Variants in HSP90AA1 observed in about 807,000 individuals in gnomAD.
HSP90AA1 encodes heat shock protein HSP 90-alpha.
A neutral mutation model predicts 73.3 loss-of-function variants in HSP90AA1; 18 were observed. The ratio of observed to expected loss-of-function variants is 0.25; its 90% CI spans 0.17 to 0.36. The LOEUF (loss-of-function observed/expected upper bound fraction) is 0.36, where lower values mean the gene tolerates loss of function less well. Among genes scored for constraint, HSP90AA1 ranks in the 10% least tolerant of loss-of-function variants. HSP90AA1 has a pLI of 1.00. For synonymous variants in HSP90AA1, 477 were observed against 296.9 expected (o/e 1.61, Z -6.24); for missense variants, 704 against 874.2 (o/e 0.81, Z 2.45).
At chr14:102,101,877 G>C (rs779864623) in exon 2 of HSP90AA1, 4 of 1,612,350 alleles carry the variant, frequency 2.5e-6, no homozygotes, top group Non-Finnish European at 3.4e-6. Context: ...CCACTTACCA[G>C]TAGCCTAAGC....
intron 1 of HSP90AA1, among the ~76,000 whole-genome samples, chr14:102,126,196 T>C (rs1814060252): frequency 6.6e-6 from 1 of 152,092 alleles, no homozygotes; most frequent in Non-Finnish European, 1.5e-5. Context: ...CGGCCTTCTA[T>C]TCCCTCTGAT....
Position 102,083,631 on chromosome 14 carries a change from T to A in HSP90AA1, c.1401A>T (p.Thr467=). Residue 467 remains threonine, a synonymous_variant, in exon 8 of 11, where the codon ACA becomes ACT. Coordinates refer to ENST00000216281, the MANE Select transcript of HSP90AA1 (RefSeq NM_005348.4). ...AAACCATCTCATCACCAGAGGCAGA[T>A]GTGTAGTACCTTAACAGCTCTGAAA... ...KKLSELLRYY[T]SASGDEMVSL... 1 of 1,613,304 alleles carries A rather than the reference T, an allele frequency of 6.2e-7. No homozygotes were observed. The highest frequency in any genetic ancestry group is 1.1e-5 in the South Asian group (1 of 91,070).
At chr14:102,119,878 C>T (rs2049754473) in intron 1 of HSP90AA1, among the ~76,000 whole-genome samples, 1 of 152,078 alleles carries the variant, frequency 6.6e-6, no homozygotes, top group South Asian at 2.1e-4. Context: ...CTATATGATC[C>T]ATAAAGTTGT....
rs780168650 is a variant in HSP90AA1, at chr14:102,080,833, T to TG, written c.*878dup. On this transcript the variant is annotated 3_prime_UTR_variant, in exon 11 of 11. Coordinates refer to ENST00000216281, the MANE Select transcript of HSP90AA1 (RefSeq NM_005348.4). ...ACACTAAGAGAACACATGTAACTCA[T>TG]GGACGCAGGGGATGCATGTTGTCTG... 1.3e-5 allele frequency: 3 copies of TG among 227,202 alleles called. No individual in the cohort carries two copies. Among genetic ancestry groups the TG allele is most frequent in the Non-Finnish European group, 8.7e-6 (1 of 114,364 alleles). 14.1% of individuals were successfully genotyped at this position (227,202 alleles called of 1,614,324 possible).
chr14:102,082,040 G>C (rs1195531739), intron 10 of HSP90AA1, 71 bp downstream of exon 10: 2 of 1,112,558 alleles, frequency 1.8e-6, no homozygotes, highest in Non-Finnish European at 2.7e-6. Flanking sequence ...TTGGATAACT[G>C]AAAGTTCACC....
At chr14:102,090,983 C>T (rs749018132), upstream of HSP90AA1, among the ~76,000 whole-genome samples, 18 of 152,198 alleles carry the variant, frequency 1.2e-4, no homozygotes, top group Admixed American at 5.2e-4. Flanking sequence ...AGTCACTTAC[C>T]CTTTCTATGC....
At chr14:102,129,288 A>G (rs1190596) in intron 1 of HSP90AA1, among the ~76,000 whole-genome samples, 118,561 of 151,884 alleles carry the variant, frequency 0.78, 46,894 homozygotes, top group East Asian at 0.97. Flanking sequence ...TACTACAGGC[A>G]TGTGCCACCA....
chr14:102,085,816 A>C lies in HSP90AA1; in HGVS notation c.471T>G (p.Asp157Glu). 3 of 1,613,970 alleles carry C rather than the reference A, an allele frequency of 1.9e-6. No homozygotes were observed. The highest frequency in any genetic ancestry group is 2.5e-6 in the Non-Finnish European group (3 of 1,179,860). The change falls in exon 3 of 11, where the codon GAT (aspartate) becomes GAG (glutamate). Residue 157 changes from aspartate to glutamate, a missense_variant. Asp to Glu is a conservative substitution (Grantham distance 45, BLOSUM62 2). Transcript: ENST00000216281. ...CTGAGGACTCCCAAGCGTACTGCTCATCATCGTTATGTTTGGTGATCACAG... is the reference window on the plus strand; with the variant it reads ...CTGAGGACTCCCAAGCGTACTGCTCCTCATCGTTATGTTTGGTGATCACAG... ...KVTVITKHND[D>E]EQYAWESSAG...
chr14:102,082,184 C>G lies in HSP90AA1; in HGVS notation c.2016G>C (p.Leu672=). 6.2e-7 allele frequency: 1 copy of G among 1,613,880 alleles called. No homozygotes were observed. The highest frequency in any genetic ancestry group is 8.5e-7 in the Non-Finnish European group (1 of 1,179,800). ...GATCTTCCAGACTGAAGCCAGAAGA[C>G]AGGAGCGCAGTTTCATAAAGCAAGA... is the stretch of plus-strand genomic sequence containing the variant. ...LVILLYETAL[L]SSGFSLEDPQ... The change falls in exon 10 of 11, where the codon CTG becomes CTC. Residue 672 remains leucine (L), a synonymous_variant. Coordinates refer to ENST00000216281, the MANE Select transcript of HSP90AA1 (RefSeq NM_005348.4).
intron 2 of HSP90AA1, among the ~76,000 whole-genome samples, chr14:102,095,899 C>T (rs75103660): frequency 0.023 from 3,495 of 152,318 alleles, 79 homozygotes; most frequent in South Asian, 0.1. Context: ...CTGCCCACTT[C>T]CCAGTGCAGA....
In HSP90AA1 at chr14:102,081,422, A is replaced by G. The variant is rs1293637739; in HGVS notation, c.*290T>C. The G allele has an allele frequency of 2.4e-6, 1 of 420,340 alleles. No homozygotes were observed. Among genetic ancestry groups the G allele is most frequent in the Non-Finnish European group, 4.3e-6 (1 of 230,930 alleles). 26.0% of individuals were successfully genotyped at this position (420,340 alleles called of 1,614,324 possible). ...CTTAGGCATCCGGCTTGACAGCTAAACACTTTAGACCACAAAGTTAACATC... is the reference window on the plus strand; with the variant it reads ...CTTAGGCATCCGGCTTGACAGCTAAGCACTTTAGACCACAAAGTTAACATC... On this transcript the variant is annotated 3_prime_UTR_variant, in exon 11 of 11. Coordinates refer to ENST00000216281, the MANE Select transcript of HSP90AA1 (RefSeq NM_005348.4).
In HSP90AA1 at chr14:102,080,837, C is replaced by G; in HGVS notation, c.*875G>C. The G allele has an allele frequency of 4.4e-6, 1 of 227,440 alleles. No individual in the cohort carries two copies. Among genetic ancestry groups the G allele is most frequent in the Non-Finnish European group, 8.7e-6 (1 of 114,406 alleles). The allele number at this position is 227,440 out of a possible 1,614,324, so 14.1% of individuals were successfully genotyped here. On this transcript the variant is annotated 3_prime_UTR_variant, in exon 11 of 11. Coordinates refer to ENST00000216281, the MANE Select transcript of HSP90AA1 (RefSeq NM_005348.4). Reference sequence around the variant, plus strand: ...TAAGAGAACACATGTAACTCATGGACGCAGGGGATGCATGTTGTCTGCATT... The same window carrying G: ...TAAGAGAACACATGTAACTCATGGAGGCAGGGGATGCATGTTGTCTGCATT...
rs770329997 is a variant in HSP90AA1, at chr14:102,086,104, A to G, written c.183T>C (p.Tyr61=). 3.1e-6 allele frequency: 5 copies of G among 1,613,986 alleles called. No individual in the cohort carries two copies. Among genetic ancestry groups the G allele is most frequent in the African/African-American group, 2.7e-5 (2 of 74,916 alleles). ...ATTTACTGGGATCTGTCAAGCTTTC[A>G]TACCGGATTTTGTCCAATGCCTGTT... is the stretch of plus-strand genomic sequence containing the variant. ...NSSDALDKIR[Y]ESLTDPSKLD... is the part of the protein sequence containing the mutation. The change falls in exon 3 of 11, where the codon TAT becomes TAC. Residue 61 remains tyrosine (Y), a synonymous_variant. Transcript: ENST00000216281.
upstream of HSP90AA1, among the ~76,000 whole-genome samples, chr14:102,091,722 G>T (rs953989015): frequency 2.6e-5 from 4 of 151,992 alleles, no homozygotes; most frequent in Non-Finnish European, 4.4e-5. Flanking sequence ...AGCCTCCTGG[G>T]CGCAAGTGAT....
At chr14:102,100,512 G>A (rs2049479581) in intron 2 of HSP90AA1, among the ~76,000 whole-genome samples, 2 of 141,294 alleles carry the variant, frequency 1.4e-5, no homozygotes, top group South Asian at 5.0e-4. Context: ...CACAACCTCC[G>A]CCTCCCGGGT....
chr14:102,081,240 T>C lies in HSP90AA1; in HGVS notation c.*472A>G, dbSNP rs568538336. 4.9e-5 allele frequency: 12 copies of C among 245,062 alleles called. No homozygotes were observed. Among genetic ancestry groups the C allele is most frequent in the Non-Finnish European group, 9.7e-5 (12 of 124,312 alleles). The allele number at this position is 245,062 out of a possible 1,614,324, so 15.2% of individuals were successfully genotyped here. On this transcript the variant is annotated 3_prime_UTR_variant, in exon 11 of 11. Coordinates refer to ENST00000216281, the MANE Select transcript of HSP90AA1 (RefSeq NM_005348.4). ...CCTGTGGAGAGATCCTTCCATCAAG[T>C]TGCTTCAGTTTAACCTATTTCTAGA...
intron 1 of HSP90AA1, among the ~76,000 whole-genome samples, chr14:102,112,545 C>T (rs2049655272): frequency 6.6e-6 from 1 of 151,836 alleles, no homozygotes; most frequent in Non-Finnish European, 1.5e-5. Context: ...GTGGTGTGAT[C>T]ATAGTTCACT....
chr14:102,082,595 G>A (rs1566717902), intron 9 of HSP90AA1, 151 bp from the exon 10 acceptor site: 6 of 670,978 alleles, frequency 8.9e-6, no homozygotes, highest in East Asian at 5.4e-5. Context: ...TATCCAAAGA[G>A]CACAGGTTAT....
At chr14:102,121,839 G>A (rs1287883597) in intron 1 of HSP90AA1, among the ~76,000 whole-genome samples, 1 of 151,940 alleles carries the variant, frequency 6.6e-6, no homozygotes, top group African/African-American at 2.4e-5. Flanking sequence ...TTTCTACTGG[G>A]TTTTCTTTCT....
Sources: gnomAD v4.1 joint callset for allele counts (sites outside exome capture counted in the v4.1 genomes callset) on GRCh38, gnomAD v4.1.1 for gene constraint, MANE v1.5 for transcripts, NCBI Gene and HGNC (gene_info 2026-07-23, HGNC 2026-07-21) for gene names.